LIN28A: variants seen among roughly 807,000 people sequenced by gnomAD.
LIN28A encodes lin-28 RNA binding posttranscriptional regulator A.
Under a neutral mutation model 21.1 loss-of-function variants are expected in LIN28A, and 11 were observed. That is an observed-to-expected ratio of 0.52 (90% confidence interval 0.33 to 0.86). The LOEUF is 0.86. LIN28A is among the 40% of genes least tolerant of loss of function. The pLI, the probability that LIN28A is intolerant of heterozygous loss-of-function variation, is 0.03. For missense variants in LIN28A, 219 were observed against 279.8 expected (o/e 0.78, Z 1.55); for synonymous variants, 111 against 108.7 (o/e 1.02, Z -0.13).
chr1:26,424,666 C>A (rs1244329482), intron 2 of LIN28A, among the ~76,000 whole-genome samples: 1 of 152,060 alleles, frequency 6.6e-6, no homozygotes, highest in Non-Finnish European at 1.5e-5. Context: ...TATAGTGTGA[C>A]ACTTTAAATT....
chr1:26,424,941 C>G (rs2075049627), intron 2 of LIN28A, among the ~76,000 whole-genome samples: 1 of 152,084 alleles, frequency 6.6e-6, no homozygotes, highest in African/African-American at 2.4e-5. Context: ...CAGAGTTTCA[C>G]CATGTTGGCC....
chr1:26,423,885 C>G (rs1333029305), intron 2 of LIN28A, among the ~76,000 whole-genome samples: 1 of 151,554 alleles, frequency 6.6e-6, no homozygotes, highest in Non-Finnish European at 1.5e-5. Context: ...GCCTCAGCCT[C>G]CGGAGTAGCT....
intron 2 of LIN28A, among the ~76,000 whole-genome samples, chr1:26,420,205 T>C (rs145453648): frequency 1.4e-3 from 219 of 152,138 alleles, no homozygotes; most frequent in African/African-American, 4.9e-3. Flanking sequence ...AAGCTCAGAA[T>C]CCACCTGCCT....
chr1:26,425,590 G>T lies in LIN28A; in HGVS notation c.413+103G>T. ...CTGCAAAAGACAAAGGGAAGCCTGT[G>T]GTCCCTGGCAGCATCTGGAAGGCTG... is the stretch of plus-strand genomic sequence containing the variant. On this transcript the variant is annotated intron_variant, in intron 3 of 3. Coordinates refer to ENST00000326279, the MANE Select transcript of LIN28A (RefSeq NM_024674.6). 7 of 1,119,774 alleles carry T rather than the reference G, an allele frequency of 6.3e-6. No individual in the cohort carries two copies. The South Asian group carries it at 1.0e-4, about 17-fold the overall frequency. 69.4% of individuals were successfully genotyped at this position (1,119,774 alleles called of 1,614,324 possible).
chr1:26,425,383 T>A lies in LIN28A; in HGVS notation c.309T>A (p.Gly103=). The A allele has an allele frequency of 6.2e-7, 1 of 1,613,976 alleles. No individual in the cohort carries two copies. The highest frequency in any genetic ancestry group is 8.5e-7 in the Non-Finnish European group (1 of 1,179,974). The change falls in exon 3 of 4, where the codon GGT becomes GGA. Residue 103 remains glycine, a synonymous_variant. Transcript: ENST00000326279. ...VEFTFKKSAK[G]LESIRVTGPG... is the part of the protein sequence containing the mutation. The stretch of plus-strand genomic sequence containing the variant: ...TCACCTTTAAGAAGTCAGCCAAGGG[T>A]CTGGAATCCATCCGTGTCACCGGAC...
At chr1:26,425,520 T>A (rs1394806404) in intron 3 of LIN28A, 33 bp downstream of exon 3, 1 of 1,592,252 alleles carries the variant, frequency 6.3e-7, no homozygotes, top group East Asian at 2.2e-5. Flanking sequence ...TATAGGTTGC[T>A]AAGGGCATCC....
chr1:26,416,202 A>G (rs2074992155), intron 2 of LIN28A, among the ~76,000 whole-genome samples: 1 of 152,178 alleles, frequency 6.6e-6, no homozygotes, highest in South Asian at 2.1e-4. Flanking sequence ...CATGTTGTCC[A>G]GGCTGGTCTC....
intron 2 of LIN28A, among the ~76,000 whole-genome samples, chr1:26,422,430 T>TC (rs397957636): frequency 6.6e-6 from 1 of 151,248 alleles, no homozygotes; most frequent in Non-Finnish European, 1.5e-5. Context: ...TTTTTTTTTT[T>TC]CCTGTTTCAA....
intron 2 of LIN28A, among the ~76,000 whole-genome samples, chr1:26,419,643 C>T (rs1045320378): frequency 2.0e-5 from 3 of 152,072 alleles, no homozygotes; most frequent in East Asian, 1.9e-4. Flanking sequence ...GTGTAGCAGG[C>T]GAAGTGCTAA....
chr1:26,420,174 G>A (rs1331585730), intron 2 of LIN28A, among the ~76,000 whole-genome samples: 1 of 151,856 alleles, frequency 6.6e-6, no homozygotes, highest in African/African-American at 2.4e-5. Flanking sequence ...TGCCCAGGCT[G>A]GTCTCCAACT....
intron 2 of LIN28A, among the ~76,000 whole-genome samples, chr1:26,424,157 T>C (rs2075044826): frequency 6.6e-6 from 1 of 152,124 alleles, no homozygotes; most frequent in African/African-American, 2.4e-5. Flanking sequence ...ACTTATTTGG[T>C]CTTTTGATGA....
rs564027543 is a variant in LIN28A, at chr1:26,427,329, G to C, written c.*871G>C. The stretch of plus-strand genomic sequence containing the variant: ...ACTTTTTGTTGTTTTTGCCACCGTG[G>C]AGAGCAACTATTTGGAGTGCACAGC... On this transcript the variant is annotated 3_prime_UTR_variant, in exon 4 of 4. Transcript: ENST00000326279. 6.6e-6 allele frequency: 1 copy of C among 152,660 alleles called. No homozygotes were observed. The highest frequency in any genetic ancestry group is 2.4e-5 in the African/African-American group (1 of 41,456). The allele number at this position is 152,660 out of a possible 1,614,324, so 9.5% of individuals were successfully genotyped here.
At chr1:26,413,047 A>G (rs1307001638) in intron 2 of LIN28A, among the ~76,000 whole-genome samples, 1 of 152,130 alleles carries the variant, frequency 6.6e-6, no homozygotes, top group Non-Finnish European at 1.5e-5. Flanking sequence ...GATAACCCAC[A>G]GGAAGTAATT....
At chr1:26,413,557 G>A (rs1367630497) in intron 2 of LIN28A, among the ~76,000 whole-genome samples, 1 of 152,078 alleles carries the variant, frequency 6.6e-6, no homozygotes, top group Admixed American at 6.6e-5. Flanking sequence ...GAACATCCAG[G>A]AACCCATAGT....
rs1385104587 is a variant in LIN28A at position 26,411,920 on chromosome 1, C to A, written c.228+338C>A. 6.6e-6 allele frequency among the ~76,000 whole-genome samples: 1 copy of A among 152,066 alleles called. No homozygotes were observed. The highest frequency in any genetic ancestry group is 1.9e-4 in the East Asian group (1 of 5,156). On this transcript the variant is annotated intron_variant, in intron 2 of 3. Coordinates refer to ENST00000326279, the MANE Select transcript of LIN28A (RefSeq NM_024674.6). The surrounding 1 kb of genome is among the most constrained non-coding windows in gnomAD (Gnocchi z 5.4). ...ATTGTGCTTGCCGGTGGGGGGAGGG[C>A]GAGCAGGCCGGCCAGGGAAGCACAT...
At chr1:26,412,317 G>T (rs1003876438) in intron 2 of LIN28A, among the ~76,000 whole-genome samples, 2 of 152,056 alleles carry the variant, frequency 1.3e-5, no homozygotes, top group African/African-American at 2.4e-5. Context: ...ATTCAGTGTC[G>T]CAGGGCAGGG....
intron 2 of LIN28A, among the ~76,000 whole-genome samples, chr1:26,419,953 A>G (rs1195465880): frequency 6.6e-6 from 1 of 151,946 alleles, no homozygotes. Flanking sequence ...AATAAGTCAA[A>G]TCTAATATAA....
At chr1:26,415,283 GTGAGGAGGTGGTAAGAGCAACT>G (rs996931299) in intron 2 of LIN28A, among the ~76,000 whole-genome samples, 1 of 152,160 alleles carries the variant, frequency 6.6e-6, no homozygotes, top group Non-Finnish European at 1.5e-5. Context: ...AAAGCCATGA[GTGAGGAGGTGGTAAGAGCAACT>G]TTATTCAGGG....
rs1243166079 is a variant in LIN28A, at chr1:26,426,728, T to G, written c.*270T>G. 14 of 399,698 alleles carry G rather than the reference T, an allele frequency of 3.5e-5. No homozygotes were observed. The highest frequency in any genetic ancestry group is 7.3e-4 in the Middle Eastern group (1 of 1,362). 24.8% of individuals were successfully genotyped at this position (399,698 alleles called of 1,614,324 possible). A position where few individuals can be genotyped will look rare whatever the true frequency, so the allele number is the denominator to read the frequency against. ...ACAACCTGCATACTTTGAGTCTCCATCCCCAGAATTTCCAGCTTTTGAAAG... is the reference window on the plus strand; with the variant it reads ...ACAACCTGCATACTTTGAGTCTCCAGCCCCAGAATTTCCAGCTTTTGAAAG... On this transcript the variant is annotated 3_prime_UTR_variant, in exon 4 of 4. Transcript: ENST00000326279.
Sources: gnomAD v4.1 joint callset for allele counts (sites outside exome capture counted in the v4.1 genomes callset) on GRCh38, gnomAD v4.1.1 for gene constraint, Gnocchi (gnomAD v3.1) non-coding constraint, MANE v1.5 for transcripts, NCBI Gene and HGNC (gene_info 2026-07-23, HGNC 2026-07-21) for gene names.